Variants in TRPM1 observed in about 807,000 individuals in gnomAD.
TRPM1 encodes TRPM1-203 APA Isoform, Intron 10.
TRPM1 carries 113 observed loss-of-function variants against 149.4 expected under a neutral mutation model. That is an observed-to-expected ratio of 0.76 (90% confidence interval 0.65 to 0.88). The LOEUF (loss-of-function observed/expected upper bound fraction) is 0.88. Among genes scored for constraint, TRPM1 ranks in the 40% least tolerant of loss-of-function variants. TRPM1 has a pLI of 0.00. For missense variants in TRPM1, 1,976 were observed against 2,038.7 expected (o/e 0.97, Z 0.59); for synonymous variants, 741 against 759.5 (o/e 0.98, Z 0.40).
intron 1 of TRPM1, among the ~76,000 whole-genome samples, chr15:31,107,015 A>AT (rs2035617009): frequency 6.6e-6 from 1 of 152,142 alleles, no homozygotes; most frequent in East Asian, 1.9e-4. Flanking sequence ...AGTTGTCTTC[A>AT]TTTTTTTGGA....
intron 1 of TRPM1, among the ~76,000 whole-genome samples, chr15:31,116,819 C>T (rs1482453141): frequency 3.3e-5 from 5 of 152,122 alleles, no homozygotes; most frequent in African/African-American, 9.7e-5. Flanking sequence ...CCCACACCTA[C>T]GGTAAACAGT....
At chr15:31,021,702 TAAA>T (rs34186876) in intron 27 of TRPM1, among the ~76,000 whole-genome samples, 15 of 119,326 alleles carry the variant, frequency 1.3e-4, no homozygotes, top group Admixed American at 1.7e-4. Context: ...TCTCTAGAAT[TAAA>T]AAAAAAAAAA....
intron 1 of TRPM1, among the ~76,000 whole-genome samples, chr15:31,146,356 G>A (rs1355810174): frequency 2.0e-5 from 3 of 152,196 alleles, no homozygotes; most frequent in African/African-American, 4.8e-5. Context: ...CAAAAGGGGG[G>A]AATTATTAAA....
upstream of TRPM1, among the ~76,000 whole-genome samples, chr15:31,106,428 G>A (rs768368835): frequency 7.2e-5 from 11 of 152,126 alleles, no homozygotes; most frequent in Middle Eastern, 3.4e-3. Flanking sequence ...GAGCCACCAC[G>A]CCTGGCCGCC....
chr15:31,017,287 C>T (rs12898829), intron 27 of TRPM1, among the ~76,000 whole-genome samples: 25,195 of 152,020 alleles, frequency 0.17, 2,721 homozygotes, highest in Non-Finnish European at 0.24. Flanking sequence ...CCAGCCTGAG[C>T]GACAGAGCAA....
At chr15:31,061,703 A>G (rs183863367) in intron 9 of TRPM1, among the ~76,000 whole-genome samples, 189 bp from the exon 10 acceptor site, 2 of 141,806 alleles carry the variant, frequency 1.4e-5, no homozygotes. Flanking sequence ...TTTTTTTTTG[A>G]GATGGAGTTT....
At chr15:31,096,687 G>A (rs1368677337) in intron 1 of TRPM1, among the ~76,000 whole-genome samples, 1 of 152,238 alleles carries the variant, frequency 6.6e-6, no homozygotes, top group African/African-American at 2.4e-5. Flanking sequence ...CCAGCCTCTT[G>A]TGCCTGCCTG....
intron 1 of TRPM1, among the ~76,000 whole-genome samples, chr15:31,112,830 G>A (rs1278319599): frequency 1.3e-5 from 2 of 152,168 alleles, no homozygotes; most frequent in Non-Finnish European, 2.9e-5. Context: ...AAAATTCTGA[G>A]AAGTCCTGCC....
intron 1 of TRPM1, among the ~76,000 whole-genome samples, chr15:31,128,213 A>G (rs1298330969): frequency 6.6e-6 from 1 of 152,172 alleles, no homozygotes; most frequent in Non-Finnish European, 1.5e-5. Flanking sequence ...ACCCAGGAGC[A>G]ATATTTACAG....
In TRPM1 at chr15:31,138,185, T is replaced by C. The variant is rs112511702; in HGVS notation, c.54+22721A>G. The stretch of plus-strand genomic sequence containing the variant: ...GAAACAATGGTTTCCAGAAAATTGT[T>C]GTCATTGGTGCAAACAACCAGGGCA... On this transcript the variant is annotated intron_variant, in intron 1 of 26. Coordinates refer to the TRPM1 transcript ENST00000542188. 6.3e-3 allele frequency among the ~76,000 whole-genome samples: 955 copies of C among 152,262 alleles called. 7 individuals carry two copies. The highest frequency in any genetic ancestry group is 0.027 in the Middle Eastern group (8 of 294).
chr15:31,062,758 T>C lies in TRPM1; in HGVS notation c.966-56A>G. The C allele has an allele frequency of 4.4e-6, 7 of 1,578,258 alleles. No individual in the cohort carries two copies. The South Asian group carries it at 6.6e-5, about 15-fold the overall frequency. On this transcript the variant is annotated intron_variant, in intron 8 of 27. Transcript: ENST00000256552. ...AAGGCAAGTTAAATCTATATATGAA[T>C]GAGTCAGACATATCTCTGTCTTTGA...
intron 1 of TRPM1, among the ~76,000 whole-genome samples, chr15:31,095,946 T>G (rs2035368845): frequency 6.6e-6 from 1 of 151,952 alleles, no homozygotes; most frequent in Non-Finnish European, 1.5e-5. Context: ...TTTGGGAGGC[T>G]GAGGTAGGAG....
chr15:31,007,166 T>C (rs949346051), intron 27 of TRPM1, among the ~76,000 whole-genome samples: 8 of 152,218 alleles, frequency 5.3e-5, no homozygotes, highest in Admixed American at 2.6e-4. Flanking sequence ...CTATGATCCA[T>C]TTTTAGTTAA....
chr15:31,077,217 C>T (rs1380789814), intron 2 of TRPM1, among the ~76,000 whole-genome samples: 1 of 151,974 alleles, frequency 6.6e-6, no homozygotes, highest in Admixed American at 6.6e-5. Flanking sequence ...CCATATCCAC[C>T]TGTTGAAGAT....
intron 1 of TRPM1, among the ~76,000 whole-genome samples, chr15:31,088,389 A>G (rs1046851090): frequency 1.3e-5 from 2 of 152,104 alleles, no homozygotes; most frequent in Non-Finnish European, 2.9e-5. Flanking sequence ...AATAAATGTT[A>G]TTGCTGCAAG....
Position 31,040,207 on chromosome 15 carries a change from G to A in TRPM1, c.2227C>T (p.Arg743Trp), listed in dbSNP as rs754571296. Residue 743 changes from arginine to tryptophan, a missense_variant, in exon 18 of 28, where the codon CGG becomes TGG. Coordinates refer to ENST00000256552, the MANE Select transcript of TRPM1 (RefSeq NM_001252024.2). The surrounding 1 kb of genome is among the most constrained non-coding windows in gnomAD (Gnocchi z 4.2). ...CTGCAGGTGTGAGCAATGAAGTCCC[G>A]GTGTTTGGCTGCCACGGCCAGTTTG... ...CLKLAVAAKHRDFIAHTCSQM... is the reference protein window; with the variant it reads ...CLKLAVAAKHWDFIAHTCSQM... The A allele has an allele frequency of 8.1e-6, 13 of 1,614,048 alleles. No individual in the cohort carries two copies. The highest frequency in any genetic ancestry group is 2.2e-5 in the East Asian group (1 of 44,894).
At chr15:31,091,798 C>T (rs1396358144) in intron 1 of TRPM1, among the ~76,000 whole-genome samples, 2 of 152,202 alleles carry the variant, frequency 1.3e-5, no homozygotes, top group Admixed American at 6.5e-5. Context: ...CATCTCACAA[C>T]TCAGCTTGTA....
intron 2 of TRPM1, among the ~76,000 whole-genome samples, chr15:31,080,613 C>A (rs2034829260): frequency 1.3e-5 from 2 of 149,054 alleles, no homozygotes; most frequent in Admixed American, 6.7e-5. Context: ...TCCCTAGCCC[C>A]CAGGCCCCGC....
intron 1 of TRPM1, among the ~76,000 whole-genome samples, chr15:31,082,219 A>G (rs2034879444): frequency 6.6e-6 from 1 of 152,206 alleles, no homozygotes; most frequent in Non-Finnish European, 1.5e-5. Context: ...CACTTGTGCA[A>G]AATATTCCAG....
Sources: allele counts gnomAD v4.1 joint callset (sites outside exome capture counted in the v4.1 genomes callset), GRCh38; gene constraint gnomAD v4.1.1; non-coding constraint Gnocchi (gnomAD v3.1); transcripts MANE v1.5; gene names NCBI Gene and HGNC (gene_info 2026-07-23, HGNC 2026-07-21).